Variants in CYSLTR2 observed in about 807,000 individuals in gnomAD.
The protein encoded by CYSLTR2 is cysteinyl leukotriene receptor 2.
For synonymous variants in CYSLTR2, 179 were observed against 160.8 expected (o/e 1.11, Z -0.86); for missense variants, 398 against 411.9 (o/e 0.97, Z 0.29).
chr13:48,691,640 T>C (rs1954042043), intron 2 of CYSLTR2, among the ~76,000 whole-genome samples: 1 of 152,064 alleles, frequency 6.6e-6, no homozygotes, highest in Non-Finnish European at 1.5e-5. Flanking sequence ...TCCCATGTCA[T>C]TGAGTCAAAG....
chr13:48,692,406 T>C (rs1954062040), intron 2 of CYSLTR2, among the ~76,000 whole-genome samples: 1 of 151,918 alleles, frequency 6.6e-6, no homozygotes, highest in Non-Finnish European at 1.5e-5. Flanking sequence ...TGTACATCAT[T>C]CATGTAACAT....
At chr13:48,656,030 T>C (rs1952988986) in intron 1 of CYSLTR2, among the ~76,000 whole-genome samples, 2 of 152,284 alleles carry the variant, frequency 1.3e-5, no homozygotes, top group South Asian at 4.1e-4. Context: ...GCATTATAAG[T>C]GTGCTCATTT....
rs145992930 is a variant in CYSLTR2 at position 48,667,897 on chromosome 13, G to A, written c.-266+13880G>A. 5.0e-3 allele frequency among the ~76,000 whole-genome samples: 758 copies of A among 152,238 alleles called. 3 individuals carry two copies. Among genetic ancestry groups the A allele is most frequent in the Middle Eastern group, 0.014 (4 of 294 alleles). ...CTCTTAGTGTGGAGAATTAAAAACC[G>A]CAACAGAGTGGTTAGATGAAAGTGA... is the stretch of plus-strand genomic sequence containing the variant. On this transcript the variant is annotated intron_variant, in intron 1 of 4. Transcript: ENST00000682523.
chr13:48,676,781 C>G (rs920905351), intron 1 of CYSLTR2, among the ~76,000 whole-genome samples: 2 of 152,176 alleles, frequency 1.3e-5, no homozygotes, highest in Non-Finnish European at 2.9e-5. Flanking sequence ...TTTGAGCTCT[C>G]CTAGTCCCAG....
chr13:48,680,795 C>CTTTTTTTTTTTTTTTTTTTTTTT (rs1268529678), intron 1 of CYSLTR2, among the ~76,000 whole-genome samples: 6 of 110,614 alleles, frequency 5.4e-5, no homozygotes, highest in African/African-American at 1.7e-4. Context: ...CTTTTCTTTT[C>CTTTTTTTTTTTTTTTTTTTTTTT]TTTTCTTTTT....
At chr13:48,702,383 A>C (rs1954373727) in intron 4 of CYSLTR2, among the ~76,000 whole-genome samples, 1 of 152,196 alleles carries the variant, frequency 6.6e-6, no homozygotes, top group Admixed American at 6.5e-5. Context: ...CGTTGTGCAC[A>C]CGTACCCTAG....
At chr13:48,685,690 A>G (rs768414545) in intron 1 of CYSLTR2, among the ~76,000 whole-genome samples, 1 of 152,186 alleles carries the variant, frequency 6.6e-6, no homozygotes, top group Non-Finnish European at 1.5e-5. Context: ...TGGTTGATCT[A>G]GCCTATTAGG....
chr13:48,661,761 T>C (rs927862689), intron 1 of CYSLTR2, among the ~76,000 whole-genome samples: 1 of 152,212 alleles, frequency 6.6e-6, no homozygotes, highest in South Asian at 2.1e-4. Context: ...TCATGGGGTA[T>C]ATATTGATGT....
At chr13:48,673,503 A>T (rs1469638479) in intron 1 of CYSLTR2, among the ~76,000 whole-genome samples, 3 of 108,294 alleles carry the variant, frequency 2.8e-5, no homozygotes, top group Non-Finnish European at 3.5e-5. Flanking sequence ...CTTTAGTTTG[A>T]GCCTATGTGT....
intron 3 of CYSLTR2, among the ~76,000 whole-genome samples, chr13:48,694,979 T>C (rs909990538): frequency 1.3e-5 from 2 of 150,530 alleles, no homozygotes; most frequent in Non-Finnish European, 1.5e-5. Flanking sequence ...AAAATTCCCA[T>C]GCACATGTAA....
At chr13:48,693,714 A>G (rs1168129403) in intron 3 of CYSLTR2, among the ~76,000 whole-genome samples, 3 of 152,070 alleles carry the variant, frequency 2.0e-5, no homozygotes, top group African/African-American at 7.2e-5. Context: ...AAAGAGTGAC[A>G]TTAAAATTGG....
intron 2 of CYSLTR2, 148 bp from the exon 3 acceptor site, chr13:48,693,288 ACT>A (rs993242581): frequency 9.9e-5 from 15 of 151,960 alleles, no homozygotes; most frequent in African/African-American, 3.4e-4. Context: ...TTTTTTGAAG[ACT>A]CTGAATCATG....
At chr13:48,660,927 C>T (rs1165256854) in intron 1 of CYSLTR2, among the ~76,000 whole-genome samples, 2 of 152,158 alleles carry the variant, frequency 1.3e-5, no homozygotes, top group Non-Finnish European at 2.9e-5. Context: ...TGCACAACTT[C>T]AGAGAGCTTA....
At chr13:48,674,603 C>T (rs1953545125) in intron 1 of CYSLTR2, among the ~76,000 whole-genome samples, 3 of 152,274 alleles carry the variant, frequency 2.0e-5, no homozygotes, top group Admixed American at 1.3e-4. Flanking sequence ...TGTTACCCAC[C>T]TTCTGAAGCC....
chr13:48,697,737 T>C (rs1954231002), intron 4 of CYSLTR2, among the ~76,000 whole-genome samples: 3 of 152,178 alleles, frequency 2.0e-5, no homozygotes, highest in Admixed American at 6.5e-5. Flanking sequence ...AGGAGGATGT[T>C]CTAACCCATC....
intron 1 of CYSLTR2, among the ~76,000 whole-genome samples, chr13:48,660,838 C>T (rs1248936052): frequency 1.3e-5 from 2 of 152,160 alleles, no homozygotes; most frequent in African/African-American, 4.8e-5. Context: ...TGATACTTCC[C>T]TGTTCTGGAG....
intron 1 of CYSLTR2, among the ~76,000 whole-genome samples, chr13:48,665,135 T>A (rs1953228407): frequency 6.6e-6 from 1 of 152,148 alleles, no homozygotes; most frequent in Admixed American, 6.5e-5. Flanking sequence ...TTCCCCTTGT[T>A]ATTGCTATCT....
At chr13:48,683,719 A>G (rs1953820461) in intron 1 of CYSLTR2, among the ~76,000 whole-genome samples, 1 of 152,134 alleles carries the variant, frequency 6.6e-6, no homozygotes, top group Non-Finnish European at 1.5e-5. Flanking sequence ...TTTGCTGTGC[A>G]GAAGCTTTTA....
At chr13:48,667,493 A>G (rs571379589) in intron 1 of CYSLTR2, among the ~76,000 whole-genome samples, 1 of 152,192 alleles carries the variant, frequency 6.6e-6, no homozygotes, top group Non-Finnish European at 1.5e-5. Context: ...GGGGCAACCC[A>G]TTAGGCTGTT....
Sources: gnomAD v4.1 joint callset for allele counts (sites outside exome capture counted in the v4.1 genomes callset) on GRCh38, gnomAD v4.1.1 for gene constraint, MANE v1.5 for transcripts, NCBI Gene and HGNC (gene_info 2026-07-23, HGNC 2026-07-21) for gene names.